The following C1orf141 variants were observed in gnomAD, a reference collection of about 807,000 sequenced individuals.
C1orf141 encodes chromosome 1 open reading frame 141.
C1orf141 carries 19 observed loss-of-function variants against 23.2 expected under a neutral mutation model. The observed-to-expected ratio is 0.82, with a 90% CI of 0.57 to 1.20. The LOEUF is 1.20. Among genes scored for constraint, C1orf141 ranks in the 50% most tolerant of loss-of-function variants. The probability of loss-of-function intolerance (pLI) is 0.00; values close to 1 mark genes in which losing one functional copy is unlikely to be tolerated. For synonymous variants in C1orf141, 153 were observed against 154.6 expected (o/e 0.99, Z 0.08); for missense variants, 469 against 455.1 (o/e 1.03, Z -0.28).
rs550305804 is a variant in C1orf141 at position 67,105,626 on chromosome 1, T to TACACACAGACAC, written c.347-9317_347-9306dup. On this transcript the variant is annotated intron_variant, in intron 5 of 7. Transcript: ENST00000684719. Reference sequence around the variant, plus strand: ...TCTAGACAAAATGCTCTAGACAAAATACACACAGACACACACACAGACACA... The same window carrying TACACACAGACAC: ...TCTAGACAAAATGCTCTAGACAAAATACACACAGACACACACACAGACACACACACAGACACA... Among the ~76,000 whole-genome samples the TACACACAGACAC allele has an allele frequency of 6.1e-4, 92 of 151,590 alleles. 1 individual carries two copies. The Middle Eastern group carries it at 0.017, about 28-fold the overall frequency.
intron 5 of C1orf141, among the ~76,000 whole-genome samples, chr1:67,114,111 TC>T (rs1185631462): frequency 6.6e-6 from 1 of 151,910 alleles, no homozygotes; most frequent in African/African-American, 2.4e-5. Context: ...CCAGTTCCCT[TC>T]CCCCACACAC....
At chr1:67,103,269 A>G (rs1320752728) in intron 5 of C1orf141, 13 of 1,450,824 alleles carry the variant, frequency 9.0e-6, no homozygotes, top group Non-Finnish European at 1.1e-5. Flanking sequence ...TTTCCTTTTT[A>G]TGAGCATTAG....
At chr1:67,106,782 A>G (rs1429626519) in intron 5 of C1orf141, among the ~76,000 whole-genome samples, 1 of 152,232 alleles carries the variant, frequency 6.6e-6, no homozygotes, top group Non-Finnish European at 1.5e-5. Context: ...ACTATTTTTT[A>G]AAATGGAAAT....
intron 5 of C1orf141, among the ~76,000 whole-genome samples, chr1:67,097,496 G>C (rs1375390066): frequency 1.3e-5 from 2 of 152,186 alleles, no homozygotes; most frequent in Non-Finnish European, 2.9e-5. Flanking sequence ...GTGTTGCTTG[G>C]GTGTGGTGAA....
At chr1:67,131,625 C>T (rs1190382109) in intron 1 of C1orf141, among the ~76,000 whole-genome samples, 1 of 152,078 alleles carries the variant, frequency 6.6e-6, no homozygotes, top group Non-Finnish European at 1.5e-5. Context: ...CTTCCCCTTT[C>T]TGTTCCACCA....
At chr1:67,116,695 TC>T (rs1227640267) in intron 4 of C1orf141, among the ~76,000 whole-genome samples, 1 of 151,990 alleles carries the variant, frequency 6.6e-6, no homozygotes, top group Non-Finnish European at 1.5e-5. Context: ...ACCTCTCAGC[TC>T]CACATGAACG....
intron 4 of C1orf141, among the ~76,000 whole-genome samples, chr1:67,124,657 T>C (rs1646370056): frequency 6.6e-6 from 1 of 152,078 alleles, no homozygotes; most frequent in Non-Finnish European, 1.5e-5. Flanking sequence ...GCCTAGTGCA[T>C]AGTGTCATAG....
intron 5 of C1orf141, among the ~76,000 whole-genome samples, chr1:67,111,400 T>C (rs1456475973): frequency 6.6e-6 from 1 of 152,186 alleles, no homozygotes; most frequent in Non-Finnish European, 1.5e-5. Context: ...TATTATCTTC[T>C]CTACTGTCTC....
intron 7 of C1orf141, chr1:67,094,732 T>C (rs1343186457): frequency 2.6e-5 from 4 of 152,684 alleles, no homozygotes; most frequent in African/African-American, 2.4e-5. Flanking sequence ...AGTTACTAAA[T>C]AGCCTTTAAT....
intron 6 of C1orf141, 196 bp from the exon 7 acceptor site, chr1:67,095,617 A>G (rs1570673405): frequency 2.1e-6 from 1 of 476,404 alleles, no homozygotes; most frequent in African/African-American, 2.0e-5. Flanking sequence ...AGTGGAAGCA[A>G]GAGAGTCATA....
intron 4 of C1orf141, among the ~76,000 whole-genome samples, chr1:67,119,780 A>C (rs1415333168): frequency 6.6e-6 from 1 of 152,250 alleles, no homozygotes; most frequent in East Asian, 1.9e-4. Flanking sequence ...CTACAGGACC[A>C]GATCATAGAG....
chr1:67,111,761 C>T, intron 5 of C1orf141: 2 of 453,324 alleles, frequency 4.4e-6, no homozygotes, highest in East Asian at 3.5e-5. Context: ...ATTTTATTTA[C>T]TTACATATGC....
At chr1:67,095,569 G>A (rs1055952014) in intron 6 of C1orf141, 148 bp from the exon 7 acceptor site, 14 of 539,684 alleles carry the variant, frequency 2.6e-5, no homozygotes, top group Admixed American at 2.6e-4. Context: ...AGATCATCCC[G>A]TCCTGCCTGG....
intron 5 of C1orf141, among the ~76,000 whole-genome samples, chr1:67,110,528 C>T (rs570137301): frequency 9.2e-5 from 14 of 152,076 alleles, no homozygotes; most frequent in African/African-American, 2.2e-4. Flanking sequence ...AAAGGTTAAA[C>T]TTGGTTGCTT....
chr1:67,108,907 C>T (rs950426363), intron 5 of C1orf141, among the ~76,000 whole-genome samples: 5 of 151,962 alleles, frequency 3.3e-5, no homozygotes, highest in African/African-American at 1.2e-4. Flanking sequence ...AAAGAATGGC[C>T]ATAATTTAAA....
chr1:67,097,373 A>C (rs1192601121), intron 5 of C1orf141, among the ~76,000 whole-genome samples: 1 of 152,194 alleles, frequency 6.6e-6, no homozygotes, highest in Admixed American at 6.5e-5. Flanking sequence ...GGCCTCTTTT[A>C]AGAGGGGATA....
chr1:67,138,418 T>C (rs1165132859), upstream of C1orf141, among the ~76,000 whole-genome samples: 1 of 152,224 alleles, frequency 6.6e-6, no homozygotes, highest in Non-Finnish European at 1.5e-5. Context: ...ACGTTTTACT[T>C]CTGGCTCTTT....
At chr1:67,111,437 G>C (rs932648495) in intron 5 of C1orf141, 4 of 438,920 alleles carry the variant, frequency 9.1e-6, no homozygotes, top group African/African-American at 8.2e-5. Flanking sequence ...CATAATATCA[G>C]AGATGAAATC....
rs1050094910 is a variant in C1orf141, at chr1:67,093,426, T to C, written c.782A>G (p.Gln261Arg). 8.7e-6 allele frequency: 14 copies of C among 1,611,388 alleles called. No homozygotes were observed. The African/African-American group carries it at 1.9e-4, about 22-fold the overall frequency. Reference sequence around the variant, plus strand: ...TTGGGGTTTGAAAAGAGAAATAGATTGATTGCCAATTATAGATTTGAGGAT... The same window carrying C: ...TTGGGGTTTGAAAAGAGAAATAGATCGATTGCCAATTATAGATTTGAGGAT... Reference protein sequence around the residue: ...CEILKSIIGNQSISLFKPQKT... With the variant: ...CEILKSIIGNRSISLFKPQKT... The change falls in exon 8 of 8, where the codon CAA (glutamine) becomes CGA (arginine). Residue 261 changes from glutamine (Q) to arginine (R), a missense_variant. Physicochemically the swap from Gln to Arg is conservative, Grantham distance 43. Around this residue, in one of 3 missense-constraint regions of C1orf141, gnomAD observed 370 missense variants for 348.1 expected, o/e 1.06. Transcript: ENST00000684719.
Sources: gnomAD v4.1 joint callset for allele counts (sites outside exome capture counted in the v4.1 genomes callset) on GRCh38, gnomAD v4.1.1 for gene constraint, gnomAD v4.1.1 regional missense constraint, MANE v1.5 for transcripts, NCBI Gene and HGNC (gene_info 2026-07-23, HGNC 2026-07-21) for gene names.